The following PARM1 variants were observed in gnomAD, a reference collection of about 807,000 sequenced individuals.
The protein encoded by PARM1 is WSC4, cell wall integrity and stress response component 4 homolog.
Under a neutral mutation model 24.6 loss-of-function variants are expected in PARM1, and 14 were observed. That is an observed-to-expected ratio of 0.57 (90% CI 0.38 to 0.89). The LOEUF is 0.89. PARM1 is among the 40% of genes least tolerant of loss of function. The pLI, the probability that PARM1 is intolerant of heterozygous loss-of-function variation, is 0.00. For synonymous variants in PARM1, 179 were observed against 156.6 expected (o/e 1.14, Z -1.07); for missense variants, 362 against 380.4 (o/e 0.95, Z 0.40).
chr4:75,028,187 G>A (rs191908086), intron 2 of PARM1, among the ~76,000 whole-genome samples: 17 of 152,310 alleles, frequency 1.1e-4, no homozygotes, highest in South Asian at 1.0e-3. Flanking sequence ...TTTTGTTGTC[G>A]TTGATTTCTC....
At chr4:75,005,988 CTG>C (rs1437543904) in intron 1 of PARM1, among the ~76,000 whole-genome samples, 1 of 152,170 alleles carries the variant, frequency 6.6e-6, no homozygotes, top group Non-Finnish European at 1.5e-5. Flanking sequence ...GGCAATGTCA[CTG>C]TGTTTTGAAA....
At chr4:75,020,987 G>A (rs1237505811) in intron 2 of PARM1, among the ~76,000 whole-genome samples, 1 of 152,138 alleles carries the variant, frequency 6.6e-6, no homozygotes, top group African/African-American at 2.4e-5. Context: ...TTTTTCTTGT[G>A]TTTATTTGTT....
At position 74,936,452 on chromosome 4, in the gene PARM1, TG is replaced by T. The variant is rs370101584; in HGVS notation, c.43+3083del. Among the ~76,000 whole-genome samples, 436 of 54,586 alleles carry T rather than the reference TG, an allele frequency of 8.0e-3. 4 individuals are homozygous for T. The highest frequency in any genetic ancestry group is 0.027 in the African/African-American group (318 of 11,946). 35.8% of individuals were successfully genotyped at this position (54,586 alleles called of 152,430 possible). ...TACATTCAAGTGTTTTTTTTTTGTT[TG>T]TTTTTTTGTTTTTTTTTTGAGATGG... On this transcript the variant is annotated intron_variant, in intron 1 of 3. Coordinates refer to ENST00000307428, the MANE Select transcript of PARM1 (RefSeq NM_015393.4).
chr4:74,953,879 A>T (rs1184965061), intron 1 of PARM1, among the ~76,000 whole-genome samples: 2 of 152,134 alleles, frequency 1.3e-5, no homozygotes, highest in Non-Finnish European at 2.9e-5. Flanking sequence ...AGAGAAAGGG[A>T]AGTGGGTCAC....
At chr4:74,937,045 A>G (rs1489003600) in intron 1 of PARM1, among the ~76,000 whole-genome samples, 1 of 152,066 alleles carries the variant, frequency 6.6e-6, no homozygotes, top group Non-Finnish European at 1.5e-5. Flanking sequence ...CCAGTCTGCC[A>G]CTCAGCTAGG....
chr4:75,041,715 A>G (rs1723489030), intron 3 of PARM1, among the ~76,000 whole-genome samples: 1 of 152,208 alleles, frequency 6.6e-6, no homozygotes, highest in Non-Finnish European at 1.5e-5. Flanking sequence ...CACATCATTT[A>G]CCATTTGTCA....
At chr4:74,940,866 G>A (rs1721292325) in intron 1 of PARM1, among the ~76,000 whole-genome samples, 2 of 152,096 alleles carry the variant, frequency 1.3e-5, no homozygotes, top group African/African-American at 4.8e-5. Context: ...ATGTATTTAG[G>A]GCGATGTTTA....
At chr4:74,996,343 T>G (rs769270654) in intron 1 of PARM1, among the ~76,000 whole-genome samples, 1 of 152,236 alleles carries the variant, frequency 6.6e-6, no homozygotes, top group East Asian at 1.9e-4. Flanking sequence ...GGGCTCTAAA[T>G]AATTTTTTAA....
chr4:74,938,276 C>T lies in PARM1; in HGVS notation c.43+4906C>T, dbSNP rs896047790. ...CCCTAAGGGGATTATAACACCCCAC[C>T]GGAAGCAATGGACAGCAACATTTTT... On this transcript the variant is annotated intron_variant, in intron 1 of 3. Transcript: ENST00000307428. Among the ~76,000 whole-genome samples the T allele has an allele frequency of 3.3e-5, 5 of 152,224 alleles. No homozygotes were observed. In the South Asian group the frequency reaches 6.2e-4, roughly 19 times the overall value.
intron 1 of PARM1, among the ~76,000 whole-genome samples, chr4:74,999,574 A>G (rs773476761): frequency 6.6e-6 from 1 of 152,246 alleles, no homozygotes; most frequent in Admixed American, 6.5e-5. Flanking sequence ...GCCTTCCTCC[A>G]TATAATTTAG....
At chr4:75,019,410 A>G (rs1236301675) in intron 2 of PARM1, among the ~76,000 whole-genome samples, 1 of 152,250 alleles carries the variant, frequency 6.6e-6, no homozygotes, top group Non-Finnish European at 1.5e-5. Context: ...TGTAAAATCC[A>G]CATGTCCACT....
intron 3 of PARM1, among the ~76,000 whole-genome samples, chr4:75,039,610 C>T (rs968673733): frequency 6.6e-6 from 1 of 152,134 alleles, no homozygotes; most frequent in African/African-American, 2.4e-5. Context: ...GGGGCCCTTG[C>T]ATTTACATAT....
chr4:74,947,220 AT>A (rs766260149), intron 1 of PARM1, among the ~76,000 whole-genome samples: 10 of 152,240 alleles, frequency 6.6e-5, no homozygotes, highest in Admixed American at 2.0e-4. Context: ...CAAGTTTCTA[AT>A]TCCAACAATC....
At chr4:75,040,887 A>G (rs1723469977) in intron 3 of PARM1, among the ~76,000 whole-genome samples, 2 of 152,234 alleles carry the variant, frequency 1.3e-5, no homozygotes, top group Middle Eastern at 6.8e-3. Context: ...GGTTATCCAC[A>G]TGGCTCATCC....
intron 2 of PARM1, among the ~76,000 whole-genome samples, chr4:75,027,139 T>TCC (rs1378073954): frequency 2.6e-5 from 4 of 152,034 alleles, no homozygotes. Flanking sequence ...CAGGCAGAAA[T>TCC]ACAGAGGCTG....
chr4:74,959,837 A>C (rs775803213), intron 1 of PARM1, among the ~76,000 whole-genome samples: 3 of 152,242 alleles, frequency 2.0e-5, no homozygotes, highest in Non-Finnish European at 4.4e-5. Flanking sequence ...GTTAAGAAGG[A>C]TTGATCAGAG....
chr4:75,028,516 A>G (rs1025116669), intron 2 of PARM1, among the ~76,000 whole-genome samples: 3 of 152,246 alleles, frequency 2.0e-5, no homozygotes, highest in Non-Finnish European at 2.9e-5. Context: ...AGAAAAGCGC[A>G]AGAATATTGA....
chr4:75,040,244 C>T (rs139617966), intron 3 of PARM1, among the ~76,000 whole-genome samples: 1,772 of 152,266 alleles, frequency 0.012, 17 homozygotes, highest in Non-Finnish European at 0.017. Context: ...CTAGCTACGT[C>T]GTGACACTGA....
chr4:75,010,543 A>AT (rs1230681363), intron 1 of PARM1, among the ~76,000 whole-genome samples: 2 of 152,170 alleles, frequency 1.3e-5, no homozygotes, highest in African/African-American at 2.4e-5. Context: ...ATTAAAAAAA[A>AT]TTTTTTTAAA....
Sources: gnomAD v4.1 joint callset for allele counts (sites outside exome capture counted in the v4.1 genomes callset) on GRCh38, gnomAD v4.1.1 for gene constraint, MANE v1.5 for transcripts, NCBI Gene and HGNC (gene_info 2026-07-23, HGNC 2026-07-21) for gene names.